The following STARD13 variants were observed in gnomAD, a reference collection of about 807,000 sequenced individuals.
STARD13 encodes StAR related lipid transfer domain containing 13.
In STARD13, 62 loss-of-function variants were observed where a neutral mutation model predicts 106.4. The observed-to-expected ratio is 0.58, with a 90% CI of 0.48 to 0.72. The LOEUF is 0.72. Among genes scored for constraint, STARD13 ranks in the 30% least tolerant of loss-of-function variants. STARD13 has a pLI of 0.00. For synonymous variants in STARD13, 565 were observed against 553.0 expected (o/e 1.02, Z -0.31); for missense variants, 1,387 against 1,424.0 (o/e 0.97, Z 0.42).
the STARD13 span, among the ~76,000 whole-genome samples, chr13:33,588,707 A>G: frequency 2.0e-5 from 3 of 152,214 alleles, no homozygotes; most frequent in Non-Finnish European, 2.9e-5. Context: ...GTCCAACAGG[A>G]TTTAAGAAAC....
chr13:33,671,751 T>A, the STARD13 span, among the ~76,000 whole-genome samples: 2 of 151,668 alleles, frequency 1.3e-5, no homozygotes, highest in Admixed American at 6.6e-5. Context: ...ATAAATACAA[T>A]TAAATAATTA....
rs553773147 is a variant in STARD13, at chr13:33,228,607, C to T, written c.169+56863G>A. 3.9e-5 allele frequency among the ~76,000 whole-genome samples: 6 copies of T among 152,270 alleles called. No homozygotes were observed. In the East Asian group the frequency reaches 1.2e-3, roughly 29 times the overall value. On this transcript the variant is annotated intron_variant, in intron 1 of 13. Coordinates refer to ENST00000336934, the MANE Select transcript of STARD13 (RefSeq NM_178006.4). The stretch of plus-strand genomic sequence containing the variant: ...TGATTCCACCAGTATCCCTATCTTC[C>T]TTGCTTCCAAGCATACTATTTATCT...
At chr13:33,361,328 TATAATATATA>T in the STARD13 span, among the ~76,000 whole-genome samples, 1 of 33,202 alleles carries the variant, frequency 3.0e-5, no homozygotes, top group Non-Finnish European at 2.2e-3. Context: ...ATTGAAAGAA[TATAATATATA>T]ATACATGTAA....
chr13:33,364,288 A>C, the STARD13 span, among the ~76,000 whole-genome samples: 7 of 152,208 alleles, frequency 4.6e-5, no homozygotes, highest in Non-Finnish European at 8.8e-5. Flanking sequence ...CAACATCATG[A>C]GGCTCCTTCT....
the STARD13 span, among the ~76,000 whole-genome samples, chr13:33,428,523 T>G: frequency 6.6e-6 from 1 of 152,052 alleles, no homozygotes; most frequent in African/African-American, 2.4e-5. Flanking sequence ...CAGATATTTC[T>G]CAAAAGAAGA....
chr13:33,383,909 G>A, the STARD13 span, among the ~76,000 whole-genome samples: 7 of 152,000 alleles, frequency 4.6e-5, no homozygotes, highest in East Asian at 9.6e-4. Flanking sequence ...GTGGAGTGTC[G>A]GGGGAGGGGA....
chr13:33,427,087 G>T, the STARD13 span, among the ~76,000 whole-genome samples: 1 of 152,322 alleles, frequency 6.6e-6, no homozygotes, highest in East Asian at 1.9e-4. Context: ...TATTGATCAT[G>T]TGCAGGCATC....
At chr13:33,252,151 T>A (rs1245779226) in intron 1 of STARD13, among the ~76,000 whole-genome samples, 1 of 152,258 alleles carries the variant, frequency 6.6e-6, no homozygotes, top group Non-Finnish European at 1.5e-5. Flanking sequence ...ATTCTGGTTA[T>A]GTATATGATG....
At chr13:33,607,267 CGAGT>C in the STARD13 span, among the ~76,000 whole-genome samples, 2 of 150,856 alleles carry the variant, frequency 1.3e-5, no homozygotes, top group Non-Finnish European at 3.0e-5. Context: ...TTTAAGATTA[CGAGT>C]GAGTTAGTTT....
chr13:33,490,543 G>T, the STARD13 span, among the ~76,000 whole-genome samples: 2 of 152,138 alleles, frequency 1.3e-5, no homozygotes, highest in African/African-American at 2.4e-5. Flanking sequence ...TTGGCTGGGG[G>T]TGGTGCAAGA....
At chr13:33,564,850 G>A in the STARD13 span, among the ~76,000 whole-genome samples, 2 of 145,548 alleles carry the variant, frequency 1.4e-5, no homozygotes, top group Admixed American at 7.1e-5. Flanking sequence ...AAAATTAGCC[G>A]GGCATGGTGG....
Position 33,128,951 on chromosome 13 carries a change from C to G in STARD13, c.1726G>C (p.Ala576Pro). The G allele has an allele frequency of 6.2e-7, 1 of 1,613,054 alleles. No homozygotes were observed. Among genetic ancestry groups the G allele is most frequent in the Non-Finnish European group, 8.5e-7 (1 of 1,179,462 alleles). Residue 576 changes from alanine to proline, a missense_variant, in exon 5 of 14, where the codon GCC (alanine) becomes CCC (proline). By Grantham distance (27) the Ala-to-Pro change is conservative (BLOSUM62 -1). Coordinates refer to ENST00000336934, the MANE Select transcript of STARD13 (RefSeq NM_178006.4). Reference protein sequence around the residue: ...VRDRRDSGVGASLTRPNRRLR... With the variant: ...VRDRRDSGVGPSLTRPNRRLR... Reference sequence around the variant, plus strand: ...TACCTGTTTGGCCTGGTCAGAGAGGCCCCTACACCAGAATCCCTCCTGTCT... The same window carrying G: ...TACCTGTTTGGCCTGGTCAGAGAGGGCCCTACACCAGAATCCCTCCTGTCT...
chr13:33,298,104 G>A (rs1220174399), intron 1 of STARD13, among the ~76,000 whole-genome samples: 2 of 145,062 alleles, frequency 1.4e-5, no homozygotes, highest in African/African-American at 5.1e-5. Context: ...GTCTAGTCTG[G>A]CCCCATCCCA....
At chr13:33,668,341 A>G in the STARD13 span, among the ~76,000 whole-genome samples, 6 of 152,314 alleles carry the variant, frequency 3.9e-5, no homozygotes, top group African/African-American at 1.4e-4. Context: ...TTAGACATGC[A>G]AACTTGAATA....
the STARD13 span, among the ~76,000 whole-genome samples, chr13:33,622,337 T>C: frequency 6.6e-6 from 1 of 151,686 alleles, no homozygotes; most frequent in African/African-American, 2.4e-5. Flanking sequence ...CAGTACCGTG[T>C]AAAAAGAATA....
intron 5 of STARD13, among the ~76,000 whole-genome samples, chr13:33,127,754 T>A (rs1877430587): frequency 6.6e-6 from 1 of 152,218 alleles, no homozygotes; most frequent in Admixed American, 6.5e-5. Context: ...AGTCTTATTA[T>A]CCATTTTATT....
intron 7 of STARD13, among the ~76,000 whole-genome samples, chr13:33,118,782 G>A (rs1259053593): frequency 6.6e-6 from 1 of 152,172 alleles, no homozygotes; most frequent in East Asian, 1.9e-4. Flanking sequence ...GCCCCTGCAG[G>A]GGAGAGTTTT....
the STARD13 span, among the ~76,000 whole-genome samples, chr13:33,360,962 A>ATT: frequency 1.5e-4 from 17 of 115,954 alleles, no homozygotes; most frequent in African/African-American, 5.4e-4. Context: ...CGCCCGGCTA[A>ATT]TTTTTTTTTT....
chr13:33,368,848 G>A, the STARD13 span, among the ~76,000 whole-genome samples: 19 of 151,962 alleles, frequency 1.3e-4, no homozygotes, highest in Admixed American at 2.6e-4. Flanking sequence ...AGGAGTTTCC[G>A]GCCTCCAGGA....
Sources: allele counts gnomAD v4.1 joint callset (sites outside exome capture counted in the v4.1 genomes callset), GRCh38; gene constraint gnomAD v4.1.1; transcripts MANE v1.5; gene names NCBI Gene and HGNC (gene_info 2026-07-23, HGNC 2026-07-21).